Variants in NRCAM observed in about 807,000 individuals in gnomAD.
The protein encoded by NRCAM is NgCAM-related cell adhesion molecule.
NRCAM carries 83 observed loss-of-function variants against 156.5 expected under a neutral mutation model. The observed-to-expected ratio is 0.53, with a 90% confidence interval of 0.44 to 0.64. The LOEUF (loss-of-function observed/expected upper bound fraction) is 0.64, where lower values mean the gene tolerates loss of function less well. Among genes scored for constraint, NRCAM ranks in the 30% least tolerant of loss-of-function variants. NRCAM has a pLI of 0.00. For synonymous variants in NRCAM, 538 were observed against 563.9 expected, an observed-to-expected ratio of 0.95 and a Z score of 0.65; for missense variants, 1,417 against 1,597.3, an observed-to-expected ratio of 0.89 and a Z score of 1.92.
intron 3 of NRCAM, among the ~76,000 whole-genome samples, chr7:108,307,665 G>T (rs971672102): frequency 2.8e-5 from 4 of 144,746 alleles, no homozygotes; most frequent in Admixed American, 6.8e-5. Flanking sequence ...CAAAATAAAA[G>T]AAAACAAAGC....
intron 1 of NRCAM, among the ~76,000 whole-genome samples, chr7:108,433,841 A>T (rs1000898077): frequency 1.1e-4 from 16 of 152,316 alleles, no homozygotes; most frequent in Non-Finnish European, 2.1e-4. Context: ...ACCCAGCCTC[A>T]AGTATTCCTT....
intron 11 of NRCAM, among the ~76,000 whole-genome samples, chr7:108,223,226 C>CT (rs1442692427): frequency 2.0e-5 from 3 of 152,124 alleles, no homozygotes; most frequent in Non-Finnish European, 4.4e-5. Flanking sequence ...GCTGAGCCAC[C>CT]TAACAGATAC....
intron 15 of NRCAM, among the ~76,000 whole-genome samples, chr7:108,195,201 A>T (rs182716178): frequency 1.3e-5 from 2 of 151,922 alleles, no homozygotes; most frequent in East Asian, 1.9e-4. Context: ...CCTTAAATTT[A>T]AAAAAAAATC....
intron 3 of NRCAM, among the ~76,000 whole-genome samples, chr7:108,312,361 T>C (rs1004285184): frequency 2.6e-5 from 4 of 152,178 alleles, no homozygotes; most frequent in African/African-American, 9.7e-5. Flanking sequence ...ACATTTTTAC[T>C]AGCAGTGCTT....
chr7:108,396,434 A>G (rs1454157456), intron 2 of NRCAM, among the ~76,000 whole-genome samples: 1 of 152,192 alleles, frequency 6.6e-6, no homozygotes, highest in Non-Finnish European at 1.5e-5. Context: ...AATTATACTA[A>G]TGCAGCGTTT....
intron 32 of NRCAM, chr7:108,150,729 T>C: frequency 1.9e-6 from 1 of 534,056 alleles, no homozygotes. Context: ...ATTAAAAGGA[T>C]GCAGAAGAAA....
chr7:108,157,588 G>A (rs2046296938), intron 32 of NRCAM, among the ~76,000 whole-genome samples: 1 of 152,090 alleles, frequency 6.6e-6, no homozygotes. Context: ...GATCCAGGGG[G>A]TACATGTGCA....
At chr7:108,453,411 G>A (rs1852759808) in intron 1 of NRCAM, among the ~76,000 whole-genome samples, 1 of 152,032 alleles carries the variant, frequency 6.6e-6, no homozygotes, top group Non-Finnish European at 1.5e-5. Flanking sequence ...TGCCATCATT[G>A]TTGTATTGGC....
intron 3 of NRCAM, among the ~76,000 whole-genome samples, chr7:108,297,822 C>T (rs189250650): frequency 5.9e-5 from 9 of 152,250 alleles, no homozygotes; most frequent in Admixed American, 2.0e-4. Context: ...TATGCACATG[C>T]GTAATATACT....
At chr7:108,161,616 C>A (rs993146511) in intron 30 of NRCAM, among the ~76,000 whole-genome samples, 1 of 152,088 alleles carries the variant, frequency 6.6e-6, no homozygotes, top group Non-Finnish European at 1.5e-5. Context: ...ATATTTTACA[C>A]AGTTGAGTTA....
At chr7:108,357,776 T>C (rs780457949) in intron 2 of NRCAM, among the ~76,000 whole-genome samples, 96 of 152,342 alleles carry the variant, frequency 6.3e-4, no homozygotes, top group Non-Finnish European at 9.7e-4. Context: ...TGCACCTCCA[T>C]TGGTGATTAA....
chr7:108,181,289 A>G (rs1299249239), intron 24 of NRCAM, among the ~76,000 whole-genome samples: 1 of 151,982 alleles, frequency 6.6e-6, no homozygotes, highest in East Asian at 1.9e-4. Context: ...TTGGCTGCCT[A>G]TCAGTAAAAA....
intron 2 of NRCAM, among the ~76,000 whole-genome samples, chr7:108,395,614 G>C (rs76784770): frequency 6.6e-6 from 1 of 152,172 alleles, no homozygotes; most frequent in African/African-American, 2.4e-5. Flanking sequence ...CTTCCCAATA[G>C]GAGTTTTCCC....
At chr7:108,184,124 ATATATT>A in intron 22 of NRCAM, 111 bp downstream of exon 22, 5 of 557,290 alleles carry the variant, frequency 9.0e-6, no homozygotes, top group South Asian at 2.6e-5. Flanking sequence ...ATATATATAT[ATATATT>A]TTTTTTCCCC....
At chr7:108,220,622 T>C (rs1018939347) in intron 11 of NRCAM, among the ~76,000 whole-genome samples, 1 of 152,290 alleles carries the variant, frequency 6.6e-6, no homozygotes, top group South Asian at 2.1e-4. Flanking sequence ...CAATAATTGG[T>C]GTTGGGATAA....
At chr7:108,307,621 C>A (rs1482019490) in intron 3 of NRCAM, among the ~76,000 whole-genome samples, 1 of 151,468 alleles carries the variant, frequency 6.6e-6, no homozygotes, top group African/African-American at 2.4e-5. Context: ...AGATTTTTTT[C>A]TTTGCCTTAC....
Position 108,177,578 on chromosome 7 carries a change from T to G in NRCAM, c.2974+412A>C, listed in dbSNP as rs542385437. 3.7e-3 allele frequency among the ~76,000 whole-genome samples: 560 copies of G among 151,336 alleles called. 24 individuals carry two copies. The highest frequency in any genetic ancestry group is 0.037 in the Admixed American group (555 of 15,178). On this transcript the variant is annotated intron_variant, in intron 26 of 32. Transcript: ENST00000379028. Reference sequence around the variant, plus strand: ...ATGGAGCTTGCAGTGAGCCAAGATCTCACCACTGCACTCCAGCCTGGGTGA... The same window carrying G: ...ATGGAGCTTGCAGTGAGCCAAGATCGCACCACTGCACTCCAGCCTGGGTGA...
At chr7:108,357,039 G>C (rs1029757966) in intron 2 of NRCAM, among the ~76,000 whole-genome samples, 2 of 152,128 alleles carry the variant, frequency 1.3e-5, no homozygotes, top group African/African-American at 4.8e-5. Context: ...AACCAGGAAG[G>C]GGACCCTCAC....
At chr7:108,207,399 G>T (rs1264462043) in intron 13 of NRCAM, 129 bp downstream of exon 13, 8 of 785,616 alleles carry the variant, frequency 1.0e-5, no homozygotes, top group Admixed American at 8.0e-5. Flanking sequence ...GTAATTTGGT[G>T]CCTGTGTTTA....
Sources: gnomAD v4.1 joint callset for allele counts (sites outside exome capture counted in the v4.1 genomes callset) on GRCh38, gnomAD v4.1.1 for gene constraint, MANE v1.5 for transcripts, NCBI Gene and HGNC (gene_info 2026-07-23, HGNC 2026-07-21) for gene names.